ITGBL1: variants seen among roughly 807,000 people sequenced by gnomAD.
The protein encoded by ITGBL1 is integrin beta-like protein 1.
Under a neutral mutation model 68.5 loss-of-function variants are expected in ITGBL1, and 51 were observed. That is an observed-to-expected ratio of 0.74 (90% confidence interval 0.59 to 0.94). The LOEUF (loss-of-function observed/expected upper bound fraction) is 0.94, where lower values mean the gene tolerates loss of function less well. ITGBL1 is among the 40% of genes least tolerant of loss of function. The pLI, the probability that ITGBL1 is intolerant of heterozygous loss-of-function variation, is 0.00. For missense variants in ITGBL1, 649 were observed against 647.4 expected (o/e 1.00, Z -0.03); for synonymous variants, 209 against 227.3 (o/e 0.92, Z 0.72).
intron 2 of ITGBL1, among the ~76,000 whole-genome samples, chr13:101,555,934 C>T (rs944964707): frequency 1.3e-5 from 2 of 152,150 alleles, no homozygotes; most frequent in African/African-American, 4.8e-5. Flanking sequence ...TCCTTTATTT[C>T]ATTCTGCAAA....
At chr13:101,489,662 C>T (rs1464646948) in intron 2 of ITGBL1, among the ~76,000 whole-genome samples, 2 of 152,084 alleles carry the variant, frequency 1.3e-5, no homozygotes, top group African/African-American at 2.4e-5. Context: ...GGGAAGTATG[C>T]TTTTGAATAA....
intron 7 of ITGBL1, among the ~76,000 whole-genome samples, chr13:101,609,535 A>T (rs932958934): frequency 2.0e-5 from 3 of 152,164 alleles, no homozygotes; most frequent in African/African-American, 7.2e-5. Context: ...CTTGTTAAAT[A>T]GAAGAGACGA....
intron 2 of ITGBL1, among the ~76,000 whole-genome samples, chr13:101,471,344 C>T (rs982394320): frequency 5.3e-5 from 8 of 152,072 alleles, no homozygotes; most frequent in African/African-American, 2.4e-5. Context: ...TATTATCAGG[C>T]CATTCCCATG....
At chr13:101,574,045 A>G (rs2050315072) in intron 3 of ITGBL1, among the ~76,000 whole-genome samples, 1 of 152,086 alleles carries the variant, frequency 6.6e-6, no homozygotes, top group South Asian at 2.1e-4. Flanking sequence ...ATTTCAGTTC[A>G]TTCACTCTTA....
At chr13:101,531,100 G>T (rs1358488220) in intron 2 of ITGBL1, among the ~76,000 whole-genome samples, 1 of 151,766 alleles carries the variant, frequency 6.6e-6, no homozygotes, top group Non-Finnish European at 1.5e-5. Context: ...TTCAATAATG[G>T]CTAAGTTTAT....
At position 101,591,817 on chromosome 13, in the gene ITGBL1, A is replaced by G. The variant is rs186109291; in HGVS notation, c.869-6336A>G. Among the ~76,000 whole-genome samples the G allele has an allele frequency of 1.5e-3, 222 of 152,252 alleles. 1 individual carries two copies. Among genetic ancestry groups the G allele is most frequent in the African/African-American group, 4.7e-3 (197 of 41,554 alleles). Reference sequence around the variant, plus strand: ...TCATGCATTTTTGCAGCAATTATAGAAATCTACTTTGTTCTATATCTGCGG... The same window carrying G: ...TCATGCATTTTTGCAGCAATTATAGGAATCTACTTTGTTCTATATCTGCGG... On this transcript the variant is annotated intron_variant, in intron 6 of 10. Coordinates refer to ENST00000376180, the MANE Select transcript of ITGBL1 (RefSeq NM_004791.3).
At chr13:101,543,286 G>A (rs2049747160) in intron 2 of ITGBL1, among the ~76,000 whole-genome samples, 5 of 152,088 alleles carry the variant, frequency 3.3e-5, no homozygotes, top group Non-Finnish European at 4.4e-5. Context: ...TTGCTTGTCT[G>A]TAAAGGATTT....
chr13:101,490,003 A>G (rs1342491670), intron 2 of ITGBL1: 3 of 1,449,268 alleles, frequency 2.1e-6, no homozygotes, highest in Non-Finnish European at 2.8e-6. Context: ...TAATAAAGGT[A>G]AGTAGTATTT....
At chr13:101,671,443 T>TG (rs1174410062) in intron 7 of ITGBL1, among the ~76,000 whole-genome samples, 1,126 of 82,166 alleles carry the variant, frequency 0.014, 66 homozygotes, top group South Asian at 0.042. Context: ...TTTTGTTTTT[T>TG]TTTGTTTTTT....
chr13:101,452,893 G>GT lies in ITGBL1; in HGVS notation c.62dup (p.Leu21PhefsTer60). ...TGGCGTCCTCCCTTCTCTTTGCTGG[G>GT]TTGTCAGCTGTTCCTCAAAGCTTCT... On this transcript the variant is annotated frameshift_variant, in exon 1 of 11. Transcript: ENST00000376180. LOFTEE classifies it high-confidence loss of function. The GT allele has an allele frequency of 6.2e-7, 1 of 1,614,182 alleles. No individual in the cohort carries two copies. Among genetic ancestry groups the GT allele is most frequent in the Non-Finnish European group, 8.5e-7 (1 of 1,180,042 alleles).
intron 2 of ITGBL1, among the ~76,000 whole-genome samples, chr13:101,521,048 C>T (rs1406244060): frequency 6.6e-6 from 1 of 152,088 alleles, no homozygotes; most frequent in African/African-American, 2.4e-5. Context: ...AAAGGGTTAC[C>T]AAGTGAAAGA....
intron 2 of ITGBL1, among the ~76,000 whole-genome samples, chr13:101,562,756 A>G (rs2050120614): frequency 6.6e-6 from 1 of 151,982 alleles, no homozygotes; most frequent in Admixed American, 6.6e-5. Flanking sequence ...CAGAACAAGT[A>G]GATAGAAAAT....
At chr13:101,597,284 C>T (rs1008137409) in intron 6 of ITGBL1, among the ~76,000 whole-genome samples, 6 of 151,924 alleles carry the variant, frequency 3.9e-5, no homozygotes, top group Non-Finnish European at 8.8e-5. Flanking sequence ...TGTTTGTTAG[C>T]GTGCTCTATA....
intron 2 of ITGBL1, among the ~76,000 whole-genome samples, chr13:101,517,957 A>G (rs2049222486): frequency 6.6e-6 from 1 of 152,116 alleles, no homozygotes; most frequent in South Asian, 2.1e-4. Flanking sequence ...CCCCACCAAT[A>G]GGCCATTTTC....
At chr13:101,516,353 A>G (rs561018915) in intron 2 of ITGBL1, among the ~76,000 whole-genome samples, 21 of 152,276 alleles carry the variant, frequency 1.4e-4, no homozygotes, top group Admixed American at 6.5e-5. Context: ...ATGCGGTTAT[A>G]AAACTATCTT....
chr13:101,537,233 AC>A (rs1469236990), intron 2 of ITGBL1, among the ~76,000 whole-genome samples: 2 of 152,018 alleles, frequency 1.3e-5, no homozygotes, highest in African/African-American at 4.8e-5. Flanking sequence ...GCCTCAAACC[AC>A]ATCTTAGCAG....
At chr13:101,647,916 G>A (rs1415390757) in intron 7 of ITGBL1, among the ~76,000 whole-genome samples, 1 of 152,176 alleles carries the variant, frequency 6.6e-6, no homozygotes, top group African/African-American at 2.4e-5. Flanking sequence ...ACTGGTGGGA[G>A]CGCTGGTGTG....
intron 7 of ITGBL1, among the ~76,000 whole-genome samples, chr13:101,687,528 G>C (rs1366414592): frequency 1.3e-5 from 2 of 151,988 alleles, no homozygotes; most frequent in Non-Finnish European, 2.9e-5. Context: ...GTCTGAACTT[G>C]TTTGAATTTT....
At chr13:101,517,168 G>T (rs1832093) in intron 2 of ITGBL1, among the ~76,000 whole-genome samples, 2 of 151,758 alleles carry the variant, frequency 1.3e-5, no homozygotes, top group African/African-American at 4.8e-5. Context: ...TTTTATATTT[G>T]CATTTCAGGC....
Sources: allele counts gnomAD v4.1 joint callset (sites outside exome capture counted in the v4.1 genomes callset), GRCh38; gene constraint gnomAD v4.1.1; transcripts MANE v1.5; gene names NCBI Gene and HGNC (gene_info 2026-07-23, HGNC 2026-07-21).